The following CHL1 variants were observed in gnomAD, a reference collection of about 807,000 sequenced individuals.
CHL1 encodes the protein neural cell adhesion molecule L1-like protein.
Under a neutral mutation model 141.9 loss-of-function variants are expected in CHL1, and 96 were observed. That is an observed-to-expected ratio of 0.68 (90% confidence interval 0.57 to 0.80). CHL1 has a LOEUF of 0.80. Among genes scored for constraint, CHL1 ranks in the 30% least tolerant of loss-of-function variants. The pLI is 0.00. For missense variants in CHL1, 1,820 were observed against 1,457.2 expected, an observed-to-expected ratio of 1.25 and a Z score of -4.05; for synonymous variants, 613 against 502.2, an observed-to-expected ratio of 1.22 and a Z score of -2.95.
chr3:384,537 A>G (rs1707438299), intron 19 of CHL1: 1 of 152,260 alleles, frequency 6.6e-6, no homozygotes, highest in East Asian at 1.9e-4. Context: ...CACCATTTGA[A>G]TTTTGCATAA....
intron 3 of CHL1, among the ~76,000 whole-genome samples, chr3:325,246 T>C (rs1408160655): frequency 1.3e-5 from 2 of 152,006 alleles, no homozygotes; most frequent in Non-Finnish European, 2.9e-5. Flanking sequence ...TTTATTATTT[T>C]GAAATGTTAG....
chr3:377,452 T>A (rs1215393000), intron 15 of CHL1, among the ~76,000 whole-genome samples: 1 of 152,182 alleles, frequency 6.6e-6, no homozygotes, highest in Non-Finnish European at 1.5e-5. Flanking sequence ...ATCGAGCCTA[T>A]ATAGGTGATT....
At chr3:211,544 G>A (rs1425739741) in intron 1 of CHL1, among the ~76,000 whole-genome samples, 1 of 152,104 alleles carries the variant, frequency 6.6e-6, no homozygotes, top group Non-Finnish European at 1.5e-5. Flanking sequence ...CTACCATCAC[G>A]TTCTTCCTTC....
At chr3:340,719 GA>G in intron 5 of CHL1, 74 bp from the exon 6 acceptor site, 1 of 1,217,554 alleles carries the variant, frequency 8.2e-7, no homozygotes, top group South Asian at 1.5e-5. Flanking sequence ...TGAAAAAAAA[GA>G]ACATATTAAG....
intron 1 of CHL1, among the ~76,000 whole-genome samples, chr3:232,094 G>A (rs761963038): frequency 3.3e-5 from 5 of 152,056 alleles, no homozygotes; most frequent in South Asian, 2.1e-4. Context: ...CTGACGAGAC[G>A]TTATGCTTGG....
At chr3:296,534 A>G (rs914649685) in intron 2 of CHL1, among the ~76,000 whole-genome samples, 1 of 151,950 alleles carries the variant, frequency 6.6e-6, no homozygotes, top group Non-Finnish European at 1.5e-5. Flanking sequence ...TCATGCTTTC[A>G]TAGTTTCATG....
intron 2 of CHL1, among the ~76,000 whole-genome samples, chr3:302,628 T>C (rs2124914879): frequency 6.6e-6 from 1 of 152,340 alleles, no homozygotes; most frequent in South Asian, 2.1e-4. Flanking sequence ...TTAAGTTCTT[T>C]GTAGATTCTG....
At chr3:315,062 A>T (rs1700059513) in intron 2 of CHL1, among the ~76,000 whole-genome samples, 1 of 152,182 alleles carries the variant, frequency 6.6e-6, no homozygotes, top group African/African-American at 2.4e-5. Context: ...GCATCCACAA[A>T]GTTAACCATG....
chr3:297,500 A>T (rs1159804625), intron 2 of CHL1, among the ~76,000 whole-genome samples: 1 of 152,216 alleles, frequency 6.6e-6, no homozygotes, highest in East Asian at 1.9e-4. Flanking sequence ...TTTCAATAGG[A>T]TATGAACAAA....
intron 10 of CHL1, among the ~76,000 whole-genome samples, chr3:352,314 C>A (rs936738743): frequency 2.6e-5 from 4 of 152,186 alleles, no homozygotes; most frequent in Middle Eastern, 3.4e-3. Flanking sequence ...AACAGTTTTA[C>A]TAAAAATAAC....
At chr3:300,908 A>G (rs1321866583) in intron 2 of CHL1, among the ~76,000 whole-genome samples, 3 of 152,204 alleles carry the variant, frequency 2.0e-5, no homozygotes, top group Non-Finnish European at 2.9e-5. Flanking sequence ...CTCCAGACTG[A>G]TGGAAAAGTT....
At chr3:333,124 A>ATTTTTTTTTCTTTTTTTTTTTTTTTTTTT (rs879790982) in intron 5 of CHL1, among the ~76,000 whole-genome samples, 1 of 83,314 alleles carries the variant, frequency 1.2e-5, no homozygotes. Context: ...TAATTGCTCT[A>ATTTTTTTTTCTTTTTTTTTTTTTTTTTTT]TTTTTTTTAT....
rs1709634743 is a variant in CHL1 at position 407,984 on chromosome 3, C to G, written c.*2273C>G. 6.6e-6 allele frequency: 1 copy of G among 152,034 alleles called. No homozygotes were observed. The highest frequency in any genetic ancestry group is 2.1e-4 in the South Asian group (1 of 4,828). The allele number at this position is 152,034 out of a possible 1,614,324, so 9.4% of individuals were successfully genotyped here. A position where few individuals can be genotyped will look rare whatever the true frequency, so the allele number is the denominator to read the frequency against. On this transcript the variant is annotated 3_prime_UTR_variant, in exon 28 of 28. Coordinates refer to ENST00000256509, the MANE Select transcript of CHL1 (RefSeq NM_006614.4). ...ACCTTTCCTCAATACTATTTGGCAA[C>G]TACTGGGACTCTTCAGCACAAAAGG... is the stretch of plus-strand genomic sequence containing the variant.
At chr3:282,682 C>A (rs1300288075) in intron 2 of CHL1, 2 of 152,194 alleles carry the variant, frequency 1.3e-5, no homozygotes, top group Non-Finnish European at 2.9e-5. Flanking sequence ...AATATGTCAT[C>A]CCACTGAAAA....
At chr3:319,405 C>G (rs907812505) in intron 2 of CHL1, among the ~76,000 whole-genome samples, 1 of 151,698 alleles carries the variant, frequency 6.6e-6, no homozygotes, top group Non-Finnish European at 1.5e-5. Flanking sequence ...AAAAACCACT[C>G]ATGTGTATAA....
intron 3 of CHL1, among the ~76,000 whole-genome samples, chr3:323,859 T>A (rs1481202265): frequency 6.6e-6 from 1 of 152,064 alleles, no homozygotes; most frequent in African/African-American, 2.4e-5. Context: ...AGCAAGACCC[T>A]GACTCAAAGA....
At chr3:260,514 T>C (rs1384619317) in intron 2 of CHL1, among the ~76,000 whole-genome samples, 1 of 152,142 alleles carries the variant, frequency 6.6e-6, no homozygotes, top group Non-Finnish European at 1.5e-5. Flanking sequence ...TATGATGATG[T>C]CATGGTTGAG....
At chr3:263,599 C>T (rs59747046) in intron 2 of CHL1, among the ~76,000 whole-genome samples, 20,786 of 152,178 alleles carry the variant, frequency 0.14, 2,122 homozygotes, top group African/African-American at 0.29. Flanking sequence ...AAATCATTCA[C>T]GTATCTCTGT....
At chr3:197,977 C>T (rs1240389658) in intron 1 of CHL1, 1 of 365,152 alleles carries the variant, frequency 2.7e-6, no homozygotes, top group Non-Finnish European at 5.5e-6. Flanking sequence ...GAAAGCCAGC[C>T]CCTCCGTTCC....
Sources: allele counts gnomAD v4.1 joint callset (sites outside exome capture counted in the v4.1 genomes callset), GRCh38; gene constraint gnomAD v4.1.1; transcripts MANE v1.5; gene names NCBI Gene and HGNC (gene_info 2026-07-23, HGNC 2026-07-21).